The following BRAF variants were observed in gnomAD, a reference collection of about 807,000 sequenced individuals.
The protein encoded by BRAF is B-Raf proto-oncogene, serine/threonine kinase.
Under a neutral mutation model 104.6 loss-of-function variants are expected in BRAF, and 16 were observed. That is an observed-to-expected ratio of 0.15 (90% CI 0.10 to 0.23). The LOEUF (loss-of-function observed/expected upper bound fraction) is 0.23. Ranked by LOEUF, BRAF falls within the 10% of genes least tolerant of loss-of-function variation. The pLI, the probability that BRAF is intolerant of heterozygous loss-of-function variation, is 1.00. For synonymous variants in BRAF, 310 were observed against 341.6 expected (o/e 0.91, Z 1.02); for missense variants, 541 against 937.3 (o/e 0.58, Z 5.52).
chr7:140,880,121 C>T (rs1413551762), intron 1 of BRAF, among the ~76,000 whole-genome samples: 1 of 152,156 alleles, frequency 6.6e-6, no homozygotes, highest in African/African-American at 2.4e-5. Context: ...GCAATATGGT[C>T]TGATAGCATC....
At chr7:140,734,094 A>C in intron 19 of BRAF, 2 of 1,035,454 alleles carry the variant, frequency 1.9e-6, no homozygotes, top group Non-Finnish European at 2.3e-6. Context: ...AGAAATAGTT[A>C]TAGAAAAATT....
At chr7:140,887,035 G>A (rs1299576880) in intron 1 of BRAF, among the ~76,000 whole-genome samples, 2 of 152,184 alleles carry the variant, frequency 1.3e-5, no homozygotes, top group Admixed American at 6.5e-5. Flanking sequence ...AACTATTGTT[G>A]AGGAATACTC....
chr7:140,898,772 T>C (rs1815253418), intron 1 of BRAF, among the ~76,000 whole-genome samples: 2 of 152,242 alleles, frequency 1.3e-5, no homozygotes, highest in South Asian at 4.1e-4. Context: ...TTCTTATAAT[T>C]CTAGTATCTC....
At chr7:140,728,210 T>G (rs1038320468) in intron 19 of BRAF, among the ~76,000 whole-genome samples, 3 of 152,164 alleles carry the variant, frequency 2.0e-5, no homozygotes, top group Non-Finnish European at 4.4e-5. Context: ...ATGAGGCAGA[T>G]GCTATCATCT....
chr7:140,721,381 G>A lies in BRAF; in HGVS notation c.*5113C>T. 2 of 1,227,674 alleles carry A rather than the reference G, an allele frequency of 1.6e-6. No homozygotes were observed. Among genetic ancestry groups the A allele is most frequent in the Non-Finnish European group, 2.0e-6 (2 of 985,468 alleles). The allele number at this position is 1,227,674 out of a possible 1,614,324, so 76.0% of individuals were successfully genotyped here. On this transcript the variant is annotated 3_prime_UTR_variant, in exon 20 of 20. Transcript: ENST00000644969. The stretch of plus-strand genomic sequence containing the variant: ...TTTTCCACATTAAAAATACCTGATA[G>A]GAACTGTTAATTACCCTTTCCACAA...
At chr7:140,801,074 C>G (rs1039754097) in intron 6 of BRAF, 3 of 240,478 alleles carry the variant, frequency 1.2e-5, no homozygotes, top group African/African-American at 7.0e-5. Context: ...ATCAGACTAC[C>G]TGATCTGTGG....
chr7:140,734,183 G>A, intron 19 of BRAF: 2 of 1,088,186 alleles, frequency 1.8e-6, no homozygotes, highest in Non-Finnish European at 2.2e-6. Flanking sequence ...TCTAACCCAG[G>A]CTAACCGACT....
At position 140,721,893 on chromosome 7, in the gene BRAF, A is replaced by G. The variant is rs1480092895; in HGVS notation, c.*4601T>C. 1.6e-6 allele frequency: 2 copies of G among 1,256,070 alleles called. No homozygotes were observed. The highest frequency in any genetic ancestry group is 2.0e-6 in the Non-Finnish European group (2 of 1,002,610). The allele number at this position is 1,256,070 out of a possible 1,614,324, so 77.8% of individuals were successfully genotyped here. On this transcript the variant is annotated 3_prime_UTR_variant, in exon 20 of 20. Transcript: ENST00000644969. ...CTAACGCAGTCCAGCTTCATGTGCA[A>G]TCAAGTCCCGGGAAGAAATTTACAT...
At chr7:140,861,885 G>T (rs983269933) in intron 1 of BRAF, among the ~76,000 whole-genome samples, 2 of 152,014 alleles carry the variant, frequency 1.3e-5, no homozygotes, top group African/African-American at 2.4e-5. Flanking sequence ...AAAGAGGGAA[G>T]ATACTGAAGG....
chr7:140,819,898 T>C (rs1421276926), intron 3 of BRAF, among the ~76,000 whole-genome samples: 1 of 152,170 alleles, frequency 6.6e-6, no homozygotes, highest in Non-Finnish European at 1.5e-5. Flanking sequence ...AAATGAATTA[T>C]CACGGCCACA....
chr7:140,859,745 T>C (rs1010560203), intron 1 of BRAF, among the ~76,000 whole-genome samples: 7 of 149,678 alleles, frequency 4.7e-5, no homozygotes, highest in Non-Finnish European at 7.4e-5. Flanking sequence ...TCGAGTGCAG[T>C]AGCATGATCT....
intron 17 of BRAF, chr7:140,748,891 A>C (rs1290669127): frequency 6.5e-6 from 1 of 154,972 alleles, no homozygotes; most frequent in Admixed American, 6.4e-5. Context: ...AACCTTAGTA[A>C]TTTTAAAAGA....
At chr7:140,838,301 A>G (rs1187182598) in intron 2 of BRAF, among the ~76,000 whole-genome samples, 1 of 152,214 alleles carries the variant, frequency 6.6e-6, no homozygotes, top group Non-Finnish European at 1.5e-5. Context: ...ACTTCAAAAT[A>G]ATTTTGTGAG....
intron 1 of BRAF, among the ~76,000 whole-genome samples, chr7:140,854,171 C>T (rs1809513267): frequency 6.6e-6 from 1 of 152,006 alleles, no homozygotes; most frequent in South Asian, 2.1e-4. Flanking sequence ...GGTTTTGCCA[C>T]ATTGTCCAGG....
At chr7:140,779,490 A>G (rs1661067071) in intron 12 of BRAF, among the ~76,000 whole-genome samples, 1 of 152,158 alleles carries the variant, frequency 6.6e-6, no homozygotes, top group African/African-American at 2.4e-5. Flanking sequence ...ATTTTTTCTG[A>G]TTTTGGAATA....
intron 1 of BRAF, among the ~76,000 whole-genome samples, chr7:140,915,045 T>G: frequency 1.8e-5 from 1 of 56,446 alleles, no homozygotes. Context: ...CGAGACTCCG[T>G]CTCCAAAAAA....
At chr7:140,846,765 G>A (rs1371011797) in intron 2 of BRAF, among the ~76,000 whole-genome samples, 1 of 152,136 alleles carries the variant, frequency 6.6e-6, no homozygotes, top group Non-Finnish European at 1.5e-5. Flanking sequence ...GGGTCTCAGT[G>A]AGTAATCAGT....
chr7:140,807,862 A>G, intron 5 of BRAF, 98 bp downstream of exon 5: 1 of 934,416 alleles, frequency 1.1e-6, no homozygotes, highest in Non-Finnish European at 1.6e-6. Flanking sequence ...TGTCAGTTCC[A>G]AAATTACTCA....
intron 2 of BRAF, among the ~76,000 whole-genome samples, chr7:140,845,589 G>T (rs145594393): frequency 1.3e-5 from 2 of 152,144 alleles, no homozygotes; most frequent in African/African-American, 4.8e-5. Flanking sequence ...ATAATAAAAG[G>T]CTCAACATTG....
Sources: allele counts gnomAD v4.1 joint callset (sites outside exome capture counted in the v4.1 genomes callset), GRCh38; gene constraint gnomAD v4.1.1; transcripts MANE v1.5; gene names NCBI Gene and HGNC (gene_info 2026-07-23, HGNC 2026-07-21).